The following CLMN variants were observed in gnomAD, a reference collection of about 807,000 sequenced individuals.
CLMN encodes calmin (calponin-like, transmembrane).
In CLMN, 57 loss-of-function variants were observed where a neutral mutation model predicts 92.7. The ratio of observed to expected loss-of-function variants is 0.61; its 90% CI spans 0.50 to 0.77. CLMN has a LOEUF of 0.77. Ranked by LOEUF, CLMN falls within the 30% of genes least tolerant of loss-of-function variation. The probability of loss-of-function intolerance (pLI) is 0.00; values close to 1 mark genes in which losing one functional copy is unlikely to be tolerated. For synonymous variants in CLMN, 466 were observed against 470.6 expected, an observed-to-expected ratio of 0.99 and a Z score of 0.13; for missense variants, 1,158 against 1,237.5, an observed-to-expected ratio of 0.94 and a Z score of 0.96.
chr14:95,251,902 C>A (rs796090111), intron 1 of CLMN, among the ~76,000 whole-genome samples: 2 of 152,250 alleles, frequency 1.3e-5, no homozygotes, highest in African/African-American at 4.8e-5. Flanking sequence ...TCCAAGGACC[C>A]GAGCCAGGCC....
intron 1 of CLMN, among the ~76,000 whole-genome samples, chr14:95,295,610 A>C (rs1900779699): frequency 6.6e-6 from 1 of 152,236 alleles, no homozygotes. Context: ...TTCTGGGCTA[A>C]AAGAGCACTT....
chr14:95,201,914 C>G (rs946070637), intron 9 of CLMN, among the ~76,000 whole-genome samples: 4 of 152,142 alleles, frequency 2.6e-5, no homozygotes, highest in African/African-American at 9.7e-5. Context: ...TGAACTCATT[C>G]TTTTTTATGG....
chr14:95,226,459 G>T (rs1390765136), intron 2 of CLMN, among the ~76,000 whole-genome samples: 1 of 151,976 alleles, frequency 6.6e-6, no homozygotes, highest in East Asian at 1.9e-4. Context: ...CTACATTTAC[G>T]GTTCTAGGTA....
At chr14:95,252,373 A>G (rs1243967605) in intron 1 of CLMN, among the ~76,000 whole-genome samples, 2 of 152,124 alleles carry the variant, frequency 1.3e-5, no homozygotes, top group East Asian at 1.9e-4. Context: ...GAGAGCTGGT[A>G]TTTACAAAGT....
rs547407504 is a variant in CLMN, at chr14:95,256,458, T to G, written c.83-26325A>C. Among the ~76,000 whole-genome samples the G allele has an allele frequency of 6.6e-6, 1 of 152,328 alleles. No homozygotes were observed. The highest frequency in any genetic ancestry group is 1.9e-4 in the East Asian group (1 of 5,182). ...ACTGAGAAGCACTCTAACTCCTTCT[T>G]TGTGAACACGTTTTGACACAGTTTG... On this transcript the variant is annotated intron_variant, in intron 1 of 12. Transcript: ENST00000298912. This position sits in a 1 kb window ranked among gnomAD's most constrained non-coding sequence, Gnocchi z 4.9.
chr14:95,256,510 G>A lies in CLMN; in HGVS notation c.83-26377C>T, dbSNP rs1310348694. ...TCCCTGTGAAGGAGCTGGCCTCCTG[G>A]AGTACCTCCCACCTGCTGCTGGGCC... On this transcript the variant is annotated intron_variant, in intron 1 of 12. Transcript: ENST00000298912. This position sits in a 1 kb window ranked among gnomAD's most constrained non-coding sequence, Gnocchi z 4.9. Among the ~76,000 whole-genome samples, 1 of 152,166 alleles carries A rather than the reference G, an allele frequency of 6.6e-6. No homozygotes were observed.
intron 1 of CLMN, among the ~76,000 whole-genome samples, chr14:95,312,473 C>A (rs184868047): frequency 1.3e-5 from 2 of 152,184 alleles, no homozygotes; most frequent in African/African-American, 2.4e-5. Context: ...CTACTTGTCA[C>A]GTGCCCTGGG....
chr14:95,200,331 C>T (rs1595558781), intron 9 of CLMN, among the ~76,000 whole-genome samples: 1 of 152,146 alleles, frequency 6.6e-6, no homozygotes, highest in African/African-American at 2.4e-5. Context: ...CTCTGTCTCC[C>T]GCATTAGACA....
At position 95,183,011 on chromosome 14, in the gene CLMN, G is replaced by A. The variant is rs1241109731; in HGVS notation, c.*8553C>T. 1 of 152,190 alleles carries A rather than the reference G, an allele frequency of 6.6e-6. No individual in the cohort carries two copies. The highest frequency in any genetic ancestry group is 2.4e-5 in the African/African-American group (1 of 41,442). The allele number at this position is 152,190 out of a possible 1,614,324, so 9.4% of individuals were successfully genotyped here. ...CTAAGCTTTGGGCTGATATACAGAG[G>A]TACACTTGCTTTAAGCAAATAGGCC... On this transcript the variant is annotated 3_prime_UTR_variant, in exon 13 of 13. Coordinates refer to ENST00000298912, the MANE Select transcript of CLMN (RefSeq NM_024734.4).
chr14:95,279,562 T>A (rs1343800491), intron 1 of CLMN, among the ~76,000 whole-genome samples: 1 of 152,216 alleles, frequency 6.6e-6, no homozygotes, highest in East Asian at 1.9e-4. Context: ...GGTGGGCGGA[T>A]CATGAGGTCA....
intron 4 of CLMN, 119 bp from the exon 5 acceptor site, chr14:95,215,852 T>C (rs1897328246): frequency 4.6e-6 from 3 of 647,138 alleles, no homozygotes; most frequent in Non-Finnish European, 8.1e-6. Flanking sequence ...TGTGTGTGTG[T>C]GTGTGTGTTT....
chr14:95,238,205 C>T (rs977300366), intron 1 of CLMN, among the ~76,000 whole-genome samples: 2 of 152,206 alleles, frequency 1.3e-5, no homozygotes, highest in Non-Finnish European at 2.9e-5. Flanking sequence ...TTGGTGGTTT[C>T]GCTCCTTTCC....
intron 1 of CLMN, among the ~76,000 whole-genome samples, chr14:95,255,319 T>G (rs1370189508): frequency 2.0e-5 from 3 of 152,156 alleles, no homozygotes; most frequent in African/African-American, 7.2e-5. Context: ...TTGCTAGCAG[T>G]CATCTGGGGT....
Position 95,230,145 on chromosome 14 carries a change from G to A in CLMN, c.83-12C>T. The A allele has an allele frequency of 6.2e-7, 1 of 1,612,890 alleles. No homozygotes were observed. Among genetic ancestry groups the A allele is most frequent in the Non-Finnish European group, 8.5e-7 (1 of 1,178,892 alleles). Reference sequence around the variant, plus strand: ...ATTTTCCCTCTCAACTGAAAACAAAGACATACCATCAGCTGGGAGAATAAG... The same window carrying A: ...ATTTTCCCTCTCAACTGAAAACAAAAACATACCATCAGCTGGGAGAATAAG... On this transcript the variant is annotated splice_polypyrimidine_tract_variant and intron_variant, in intron 1 of 12. Coordinates refer to ENST00000298912, the MANE Select transcript of CLMN (RefSeq NM_024734.4).
rs566599116 is a variant in CLMN at position 95,255,674 on chromosome 14, C to T, written c.83-25541G>A. On this transcript the variant is annotated intron_variant, in intron 1 of 12. Coordinates refer to ENST00000298912, the MANE Select transcript of CLMN (RefSeq NM_024734.4). Reference sequence around the variant, plus strand: ...TCCATCGGGTCACCTTCCTTCCACCCTTTCACAATTCACAAGCCACACCCC... The same window carrying T: ...TCCATCGGGTCACCTTCCTTCCACCTTTTCACAATTCACAAGCCACACCCC... 8.1e-4 allele frequency among the ~76,000 whole-genome samples: 123 copies of T among 152,234 alleles called. 1 individual carries two copies. In the South Asian group the frequency reaches 0.014, roughly 18 times the overall value.
At position 95,194,562 on chromosome 14, in the gene CLMN, G is replaced by A. The variant is rs749147886; in HGVS notation, c.2743C>T (p.Arg915Ter). 10 of 1,614,178 alleles carry A rather than the reference G, an allele frequency of 6.2e-6. No homozygotes were observed. The highest frequency in any genetic ancestry group is 1.7e-5 in the Admixed American group (1 of 60,028). ...GATTCCGAAGACCTATGAGTATGTC[G>A]TCGAAGGTAAATGCTGGAGTCACTG... Reference protein sequence around the residue: ...SHSDSSIYLRRHTHRSSESDH... With the variant: ...SHSDSSIYLR The change falls in exon 11 of 13, where the codon CGA (arginine) becomes TGA (stop). Residue 915 changes from arginine (R) to a stop codon, truncating the protein, a stop_gained. Coordinates refer to ENST00000298912, the MANE Select transcript of CLMN (RefSeq NM_024734.4). LOFTEE classifies it high-confidence loss of function. The surrounding 1 kb of genome is among the most constrained non-coding windows in gnomAD (Gnocchi z 4.0).
At position 95,196,584 on chromosome 14, in the gene CLMN, T is replaced by C. The variant is rs764339655; in HGVS notation, c.2622A>G (p.Val874=). 12 of 1,614,158 alleles carry C rather than the reference T, an allele frequency of 7.4e-6. No individual in the cohort carries two copies. The African/African-American group carries it at 1.6e-4, about 22-fold the overall frequency. ...CTGGTGCTACAAATAGTGAACTTTC[T>C]ACGTGGTCCACATGTTTCCTTTTTT... ...KKEKRKHVDH[V]ESSLFVAPGS... The change falls in exon 10 of 13, where the codon GTA becomes GTG. Residue 874 remains valine, a synonymous_variant. Transcript: ENST00000298912.
intron 2 of CLMN, among the ~76,000 whole-genome samples, chr14:95,227,606 A>G (rs1395816178): frequency 6.6e-6 from 1 of 152,198 alleles, no homozygotes; most frequent in Non-Finnish European, 1.5e-5. Flanking sequence ...GACAGTTCCT[A>G]TAAGAGCCTC....
chr14:95,200,888 A>C (rs1429673367), intron 9 of CLMN, among the ~76,000 whole-genome samples: 1 of 151,938 alleles, frequency 6.6e-6, no homozygotes. Flanking sequence ...GTTACTGCAG[A>C]ACAGGCTAGT....
Sources: gnomAD v4.1 joint callset for allele counts (sites outside exome capture counted in the v4.1 genomes callset) on GRCh38, gnomAD v4.1.1 for gene constraint, Gnocchi (gnomAD v3.1) non-coding constraint, MANE v1.5 for transcripts, NCBI Gene and HGNC (gene_info 2026-07-23, HGNC 2026-07-21) for gene names.